WNT2B: variants seen among roughly 807,000 people sequenced by gnomAD.
The protein encoded by WNT2B is Wnt family member 2B.
In WNT2B, 19 loss-of-function variants were observed where a neutral mutation model predicts 40.5. The ratio of observed to expected loss-of-function variants is 0.47; its 90% CI spans 0.33 to 0.69. WNT2B has a LOEUF of 0.69. Ranked by LOEUF, WNT2B falls within the 30% of genes least tolerant of loss-of-function variation. The pLI is 0.02. For missense variants in WNT2B, 467 were observed against 556.4 expected, an observed-to-expected ratio of 0.84 and a Z score of 1.62; for synonymous variants, 220 against 211.9, an observed-to-expected ratio of 1.04 and a Z score of -0.33.
chr1:112,484,864 C>T (rs1651365599), intron 1 of WNT2B, among the ~76,000 whole-genome samples: 1 of 151,974 alleles, frequency 6.6e-6, no homozygotes. Context: ...ATGTGCAAGA[C>T]TTATACACAA....
At chr1:112,470,002 T>C (rs1650825036) in intron 1 of WNT2B, among the ~76,000 whole-genome samples, 1 of 152,258 alleles carries the variant, frequency 6.6e-6, no homozygotes, top group Non-Finnish European at 1.5e-5. Flanking sequence ...ACTCAAGATA[T>C]GAGTAGTTTA....
intron 1 of WNT2B, among the ~76,000 whole-genome samples, chr1:112,484,559 G>A (rs971186357): frequency 4.0e-5 from 6 of 151,362 alleles, no homozygotes; most frequent in African/African-American, 9.7e-5. Context: ...TTACAGGTGT[G>A]AGCCACTGTG....
chr1:112,509,324 CGGT>C lies in WNT2B; in HGVS notation c.63_65del (p.Val22del). ...CTCCCGCTTCGGCGCGCCAGCGCCC[CGGT>C]CCCTGTGCCGTCGCCCGCGGCCCCC... On this transcript the variant is annotated inframe_deletion, in exon 1 of 5. Transcript: ENST00000369684. The surrounding 1 kb of genome is among the most constrained non-coding windows in gnomAD (Gnocchi z 4.2). 1 of 1,581,648 alleles carries C rather than the reference CGGT, an allele frequency of 6.3e-7. No individual in the cohort carries two copies. Among genetic ancestry groups the C allele is most frequent in the Non-Finnish European group, 8.5e-7 (1 of 1,170,514 alleles).
intron 1 of WNT2B, among the ~76,000 whole-genome samples, chr1:112,486,996 A>G (rs1001709919): frequency 1.3e-5 from 2 of 152,214 alleles, no homozygotes; most frequent in South Asian, 2.1e-4. Context: ...ATGAGGGTAT[A>G]TTCTATGCAA....
intron 1 of WNT2B, chr1:112,467,667 T>C: frequency 2.8e-6 from 2 of 727,060 alleles, no homozygotes; most frequent in Non-Finnish European, 5.1e-6. Flanking sequence ...CATAATACTT[T>C]ACATATTTAT....
At chr1:112,469,092 T>G (rs182511265) in intron 1 of WNT2B, among the ~76,000 whole-genome samples, 1 of 152,308 alleles carries the variant, frequency 6.6e-6, no homozygotes, top group African/African-American at 2.4e-5. Flanking sequence ...CCTTGGTGAT[T>G]TGTTGAAGAT....
chr1:112,512,607 TC>T (rs543752251), intron 1 of WNT2B, among the ~76,000 whole-genome samples: 128 of 152,228 alleles, frequency 8.4e-4, no homozygotes, highest in African/African-American at 3.0e-3. Context: ...GTGAAGAACT[TC>T]CAGAAGGGAA....
chr1:112,491,603 G>A (rs1651607446), intron 1 of WNT2B, among the ~76,000 whole-genome samples: 1 of 151,918 alleles, frequency 6.6e-6, no homozygotes, highest in Non-Finnish European at 1.5e-5. Context: ...ATTGGAGGGA[G>A]GGCCAGGTGC....
chr1:112,489,113 A>G (rs1178644755), intron 1 of WNT2B, among the ~76,000 whole-genome samples: 1 of 152,148 alleles, frequency 6.6e-6, no homozygotes. Context: ...CATGGGTTCA[A>G]GGTACTTAGA....
intron 1 of WNT2B, among the ~76,000 whole-genome samples, chr1:112,480,966 C>T (rs1357558491): frequency 6.6e-6 from 1 of 152,122 alleles, no homozygotes; most frequent in Non-Finnish European, 1.5e-5. Flanking sequence ...GTCGGGAGAT[C>T]AAGATCAGCC....
intron 1 of WNT2B, among the ~76,000 whole-genome samples, chr1:112,496,311 T>A (rs926040795): frequency 6.6e-6 from 1 of 152,136 alleles, no homozygotes; most frequent in South Asian, 2.1e-4. Context: ...AAGGTACACA[T>A]TCAAATTTTA....
At position 112,516,337 on chromosome 1, in the gene WNT2B, G is replaced by T. The variant is rs750886290; in HGVS notation, c.601G>T (p.Ala201Ser). 9.3e-6 allele frequency: 15 copies of T among 1,614,034 alleles called. No individual in the cohort carries two copies. Among genetic ancestry groups the T allele is most frequent in the Admixed American group, 5.0e-5 (3 of 60,012 alleles). Residue 201 changes from alanine to serine, a missense_variant, in exon 3 of 5, where the codon GCC (alanine) becomes TCC (serine). By Grantham distance (99) the Ala-to-Ser change is moderately conservative. Around this residue, in one of 2 missense-constraint regions of WNT2B, gnomAD observed 330 missense variants for 438.6 expected, o/e 0.75. Transcript: ENST00000369684. ...NIHYGVRFAK[A>S]FVDAKEKRLK... is the part of the protein sequence containing the mutation. ...CCACTACGGTGTCCGTTTTGCCAAG[G>T]CCTTCGTGGATGCCAAGGAGAAGAG...
chr1:112,486,286 A>T (rs1253514541), intron 1 of WNT2B, among the ~76,000 whole-genome samples: 1 of 152,036 alleles, frequency 6.6e-6, no homozygotes, highest in African/African-American at 2.4e-5. Flanking sequence ...CTACAAAAAA[A>T]TTTTTAATTA....
Position 112,479,710 on chromosome 1 carries a change from G to T in WNT2B, c.-95+12119G>T, listed in dbSNP as rs535697134. On this transcript the variant is annotated intron_variant, in intron 1 of 4. Coordinates refer to the WNT2B transcript ENST00000256640. ...TAAGCAATTGAAGTTAAGTTTTTTT[G>T]TTGTTGTTGTTTTATTTTTGAGACG... is the stretch of plus-strand genomic sequence containing the variant. Among the ~76,000 whole-genome samples, 858 of 152,074 alleles carry T rather than the reference G, an allele frequency of 5.6e-3. 3 individuals carry two copies. Among genetic ancestry groups the T allele is most frequent in the Middle Eastern group, 0.024 (7 of 294 alleles).
intron 3 of WNT2B, 106 bp downstream of exon 3, chr1:112,516,523 G>T: frequency 7.0e-7 from 1 of 1,433,510 alleles, no homozygotes. Context: ...AAGGCTTCTG[G>T]GTCACTTCCA....
chr1:112,525,223 G>T lies in WNT2B; in HGVS notation c.*4714G>T, dbSNP rs1233904605. The stretch of plus-strand genomic sequence containing the variant: ...TGTGGTTGTTTTTAACTCTTAACTG[G>T]GTTAGAAAACTGGAGAGCTTTGGAT... On this transcript the variant is annotated 3_prime_UTR_variant, in exon 5 of 5. Transcript: ENST00000369684. 1 of 152,214 alleles carries T rather than the reference G, an allele frequency of 6.6e-6. No homozygotes were observed. The highest frequency in any genetic ancestry group is 1.5e-5 in the Non-Finnish European group (1 of 68,054). The allele number at this position is 152,214 out of a possible 1,614,324, so 9.4% of individuals were successfully genotyped here. A position where few individuals can be genotyped will look rare whatever the true frequency, so the allele number is the denominator to read the frequency against.
At chr1:112,499,675 A>T (rs1651887328) in intron 1 of WNT2B, among the ~76,000 whole-genome samples, 1 of 152,240 alleles carries the variant, frequency 6.6e-6, no homozygotes, top group Admixed American at 6.5e-5. Flanking sequence ...AAAACCCTAT[A>T]GCTAACATAT....
chr1:112,520,054 G>C (rs1398192932), intron 4 of WNT2B, among the ~76,000 whole-genome samples: 1 of 146,996 alleles, frequency 6.8e-6, no homozygotes, highest in Non-Finnish European at 1.5e-5. Context: ...TTAAGTTTTT[G>C]TAGAGACAGG....
At chr1:112,482,873 T>C (rs1651272166) in intron 1 of WNT2B, among the ~76,000 whole-genome samples, 1 of 152,190 alleles carries the variant, frequency 6.6e-6, no homozygotes, top group African/African-American at 2.4e-5. Flanking sequence ...CCCAAAGTGA[T>C]CTACAGATTT....
Sources: gnomAD v4.1 joint callset for allele counts (sites outside exome capture counted in the v4.1 genomes callset) on GRCh38, gnomAD v4.1.1 for gene constraint, gnomAD v4.1.1 regional missense constraint, Gnocchi (gnomAD v3.1) non-coding constraint, MANE v1.5 for transcripts, NCBI Gene and HGNC (gene_info 2026-07-23, HGNC 2026-07-21) for gene names.